The following CCDC40 variants were observed in gnomAD, a reference collection of about 807,000 sequenced individuals.
CCDC40 encodes the protein coiled-coil domain-containing protein 40.
A neutral mutation model predicts 124.5 loss-of-function variants in CCDC40; 104 were observed. The observed-to-expected ratio is 0.84, with a 90% CI of 0.71 to 0.98. CCDC40 has a LOEUF of 0.98. Ranked by LOEUF, CCDC40 falls within the 50% of genes least tolerant of loss-of-function variation. The pLI, the probability that CCDC40 is intolerant of heterozygous loss-of-function variation, is 0.00. For missense variants in CCDC40, 1,463 were observed against 1,503.9 expected (o/e 0.97, Z 0.45); for synonymous variants, 580 against 602.9 (o/e 0.96, Z 0.56).
intron 13 of CCDC40, 30 bp from the exon 14 acceptor site, chr17:80,085,973 A>G: frequency 2.5e-6 from 4 of 1,604,692 alleles, no homozygotes; most frequent in Non-Finnish European, 3.4e-6. Context: ...CCCAGCCCTA[A>G]TTTTGCTTTT....
At chr17:80,037,939 C>T (rs896338424) in intron 1 of CCDC40, 184 bp from the exon 2 acceptor site, 10 of 562,724 alleles carry the variant, frequency 1.8e-5, no homozygotes, top group African/African-American at 1.2e-4. Flanking sequence ...GTGGCATCTC[C>T]GCCACCTGAC....
intron 10 of CCDC40, among the ~76,000 whole-genome samples, chr17:80,069,020 G>A (rs748449543): frequency 2.0e-5 from 3 of 152,122 alleles, no homozygotes; most frequent in Non-Finnish European, 4.4e-5. Context: ...GAGGTGTCCC[G>A]CGAGCAGCCC....
intron 9 of CCDC40, 152 bp downstream of exon 9, chr17:80,059,132 T>A: frequency 1.0e-6 from 1 of 978,800 alleles, no homozygotes; most frequent in Non-Finnish European, 1.6e-6. Flanking sequence ...CTCCCCATGG[T>A]GGGGCCACAG....
rs1369821257 is a variant in CCDC40, at chr17:80,049,930, G to T, written c.880G>T (p.Ala294Ser). 2.5e-6 allele frequency: 4 copies of T among 1,614,086 alleles called. No individual in the cohort carries two copies. The highest frequency in any genetic ancestry group is 1.1e-5 in the South Asian group (1 of 91,078). Residue 294 changes from alanine (A) to serine (S), a missense_variant, in exon 6 of 20, where the codon GCC (alanine) becomes TCC (serine). Ala to Ser is a moderately conservative substitution (Grantham distance 99). Coordinates refer to ENST00000397545, the MANE Select transcript of CCDC40 (RefSeq NM_017950.4). ...DHPLMVRFQAALKNYLNRQIE... is the reference protein window; with the variant it reads ...DHPLMVRFQASLKNYLNRQIE... Reference sequence around the variant, plus strand: ...GCCCCTGATGGTAAGATTCCAGGCTGCCCTGAAGAACTACCTGAACCGACA... The same window carrying T: ...GCCCCTGATGGTAAGATTCCAGGCTTCCCTGAAGAACTACCTGAACCGACA...
intron 10 of CCDC40, among the ~76,000 whole-genome samples, chr17:80,077,902 C>T (rs1390267083): frequency 6.6e-6 from 1 of 152,154 alleles, no homozygotes; most frequent in African/African-American, 2.4e-5. Flanking sequence ...ATATTTTTGT[C>T]CCAGTCTGTG....
At chr17:80,052,128 C>T (rs1445642488) in intron 7 of CCDC40, among the ~76,000 whole-genome samples, 1 of 152,216 alleles carries the variant, frequency 6.6e-6, no homozygotes, top group South Asian at 2.1e-4. Context: ...TCACCTGCCT[C>T]ATCTGGGAGG....
intron 17 of CCDC40, chr17:80,090,205 ACGTGCACGAAGAACACGGGACGCGCGCAG>A: frequency 1.3e-6 from 1 of 749,602 alleles, no homozygotes; most frequent in Non-Finnish European, 2.0e-6. Flanking sequence ...GCACGCAGGC[ACGTGCACGAAGAACACGGGACGCGCGCAG>A]GCACGTGCAC....
At chr17:80,099,232 A>G (rs544957728) in intron 19 of CCDC40, among the ~76,000 whole-genome samples, 2 of 151,704 alleles carry the variant, frequency 1.3e-5, no homozygotes, top group East Asian at 3.9e-4. Context: ...CGGAGCTTGC[A>G]GTGAGCCGAG....
chr17:80,095,150 G>C (rs528156734), intron 17 of CCDC40, 113 bp from the exon 18 acceptor site: 4 of 994,434 alleles, frequency 4.0e-6, no homozygotes, highest in Non-Finnish European at 6.3e-6. Context: ...CTGTTTCCCC[G>C]CCGATCCCCA....
chr17:80,065,960 G>A (rs967444555), intron 10 of CCDC40: 11 of 624,846 alleles, frequency 1.8e-5, no homozygotes, highest in East Asian at 2.7e-5. Context: ...ATCCCTTCTC[G>A]ATTGTTCTGC....
At chr17:80,078,932 CT>C (rs529655342) in intron 10 of CCDC40, among the ~76,000 whole-genome samples, 17,201 of 131,580 alleles carry the variant, frequency 0.13, 773 homozygotes, top group East Asian at 0.23. Flanking sequence ...GTATCAGTAT[CT>C]TTTTTTTTTT....
chr17:80,092,792 A>G (rs1208720134), intron 17 of CCDC40, among the ~76,000 whole-genome samples: 1 of 152,040 alleles, frequency 6.6e-6, no homozygotes. Context: ...CTGTTCTTTC[A>G]TGGATCGTTT....
intron 17 of CCDC40, among the ~76,000 whole-genome samples, chr17:80,093,980 A>G (rs61064222): frequency 0.04 from 6,111 of 152,150 alleles, 164 homozygotes; most frequent in East Asian, 0.13. Flanking sequence ...GTGTGGCTCC[A>G]AGTCACTTTA....
chr17:80,036,788 C>T, intron 1 of CCDC40, 97 bp downstream of exon 1: 3 of 1,186,620 alleles, frequency 2.5e-6, no homozygotes. Flanking sequence ...TGCCTCGCCC[C>T]TTCGCCTCCA....
intron 10 of CCDC40, among the ~76,000 whole-genome samples, chr17:80,075,127 G>T (rs1411697216): frequency 6.6e-6 from 1 of 152,038 alleles, no homozygotes; most frequent in African/African-American, 2.4e-5. Flanking sequence ...TTTCAACCGT[G>T]TTGGCCAGGC....
In CCDC40 at chr17:80,088,352, A is replaced by G. The variant is rs978289288; in HGVS notation, c.2711+250A>G. The G allele has an allele frequency of 1.9e-6, 1 of 524,910 alleles. No homozygotes were observed. The highest frequency in any genetic ancestry group is 3.5e-6 in the Non-Finnish European group (1 of 287,540). The allele number at this position is 524,910 out of a possible 1,614,324, so 32.5% of individuals were successfully genotyped here. The stretch of plus-strand genomic sequence containing the variant: ...CTGCAACCTCTGCCTCCCAGCTTCA[A>G]GTGATTTTCCTGCCTCAACCTCCTG... On this transcript the variant is annotated intron_variant, in intron 16 of 19. Transcript: ENST00000397545.
intron 10 of CCDC40, among the ~76,000 whole-genome samples, chr17:80,068,275 C>T (rs572328688): frequency 6.6e-6 from 1 of 152,174 alleles, no homozygotes; most frequent in Admixed American, 6.5e-5. Flanking sequence ...TCAGGTGATC[C>T]ACCCGTCTTG....
intron 17 of CCDC40, 84 bp from the exon 18 acceptor site, chr17:80,095,179 G>A (rs894608941): frequency 3.1e-6 from 4 of 1,294,900 alleles, no homozygotes; most frequent in Non-Finnish European, 4.5e-6. Context: ...ACCGGAGGAT[G>A]AGCGAGGCCA....
chr17:80,080,808 T>C (rs1007877293), intron 10 of CCDC40, among the ~76,000 whole-genome samples: 12 of 152,130 alleles, frequency 7.9e-5, no homozygotes, highest in Non-Finnish European at 1.5e-4. Flanking sequence ...GGCTATTGGC[T>C]GCAAAAATAC....
Sources: allele counts gnomAD v4.1 joint callset (sites outside exome capture counted in the v4.1 genomes callset), GRCh38; gene constraint gnomAD v4.1.1; transcripts MANE v1.5; gene names NCBI Gene and HGNC (gene_info 2026-07-23, HGNC 2026-07-21).